Variants in NCKAP5 observed in about 807,000 individuals in gnomAD.
The protein encoded by NCKAP5 is nck-associated protein 5.
NCKAP5 carries 92 observed loss-of-function variants against 167.0 expected under a neutral mutation model. The ratio of observed to expected loss-of-function variants is 0.55; its 90% CI spans 0.47 to 0.66. The LOEUF is 0.66. Ranked by LOEUF, NCKAP5 falls within the 30% of genes least tolerant of loss-of-function variation. NCKAP5 has a pLI of 0.00. For synonymous variants in NCKAP5, 891 were observed against 877.4 expected, an observed-to-expected ratio of 1.02 and a Z score of -0.27; for missense variants, 2,378 against 2,315.0, an observed-to-expected ratio of 1.03 and a Z score of -0.56.
At chr2:133,647,468 CAAGGGAAGGAAAGGA>C in the NCKAP5 span, among the ~76,000 whole-genome samples, 1 of 52,980 alleles carries the variant, frequency 1.9e-5, no homozygotes, top group African/African-American at 9.3e-5. Flanking sequence ...AAAGAAAGGG[CAAGGGAAGGAAAGGA>C]AAGGAAAGGA....
intron 7 of NCKAP5, among the ~76,000 whole-genome samples, chr2:132,976,870 C>G (rs1478396744): frequency 6.6e-6 from 1 of 151,922 alleles, no homozygotes; most frequent in Non-Finnish European, 1.5e-5. Context: ...AAAACACGGT[C>G]AATATCATAT....
intron 8 of NCKAP5, among the ~76,000 whole-genome samples, chr2:132,939,845 C>CA (rs1160950924): frequency 2.0e-5 from 3 of 152,012 alleles, no homozygotes; most frequent in Non-Finnish European, 4.4e-5. Flanking sequence ...ACTAAAAATA[C>CA]AAAAATTAGC....
intron 19 of NCKAP5, among the ~76,000 whole-genome samples, chr2:132,707,736 G>A (rs990811951): frequency 6.6e-6 from 1 of 152,188 alleles, no homozygotes; most frequent in African/African-American, 2.4e-5. Flanking sequence ...GAACATGAGG[G>A]TGAGCCCAGA....
intron 5 of NCKAP5, among the ~76,000 whole-genome samples, chr2:133,190,075 G>T (rs900304231): frequency 3.3e-5 from 5 of 152,156 alleles, no homozygotes; most frequent in African/African-American, 1.2e-4. Flanking sequence ...CTTCAGCAAA[G>T]TCTCAGGATA....
At chr2:133,115,773 GTGTA>G (rs1202625086) in intron 6 of NCKAP5, among the ~76,000 whole-genome samples, 107 of 56,136 alleles carry the variant, frequency 1.9e-3, no homozygotes, top group Admixed American at 5.8e-3. Flanking sequence ...ATATGTGTGT[GTGTA>G]TATATATATA....
chr2:133,407,621 C>T (rs1380391546), intron 3 of NCKAP5, among the ~76,000 whole-genome samples: 2 of 152,204 alleles, frequency 1.3e-5, no homozygotes, highest in African/African-American at 4.8e-5. Context: ...GAGCATCCCT[C>T]AGGCTCCCAA....
chr2:133,272,663 A>G (rs2089565564), intron 4 of NCKAP5, among the ~76,000 whole-genome samples: 1 of 152,150 alleles, frequency 6.6e-6, no homozygotes, highest in African/African-American at 2.4e-5. Context: ...AACCATCACC[A>G]TCCCCTTAGA....
At chr2:133,556,675 T>C (rs190621111) in intron 2 of NCKAP5, 23 of 152,360 alleles carry the variant, frequency 1.5e-4, no homozygotes, top group Admixed American at 1.2e-3. Context: ...CTTTCTTTTT[T>C]ATTTCAATGA....
chr2:133,164,755 G>T (rs1279510944), intron 5 of NCKAP5, among the ~76,000 whole-genome samples: 4 of 152,144 alleles, frequency 2.6e-5, no homozygotes, highest in Non-Finnish European at 5.9e-5. Flanking sequence ...GGGAATCTCT[G>T]CTTTCCATGG....
intron 8 of NCKAP5, among the ~76,000 whole-genome samples, chr2:132,899,153 C>T (rs1310196269): frequency 1.3e-5 from 2 of 152,218 alleles, no homozygotes; most frequent in African/African-American, 4.8e-5. Flanking sequence ...AGCTTTACAT[C>T]TTTACATGAA....
intron 2 of NCKAP5, among the ~76,000 whole-genome samples, chr2:133,519,500 T>C (rs374530486): frequency 2.6e-5 from 4 of 152,128 alleles, no homozygotes; most frequent in Admixed American, 1.3e-4. Context: ...CCAGTCTCAG[T>C]GACTGTAAAC....
rs180842112 is a variant in NCKAP5 at position 132,962,827 on chromosome 2, G to A, written c.579+893C>T. Among the ~76,000 whole-genome samples, 687 of 152,162 alleles carry A rather than the reference G, an allele frequency of 4.5e-3. 4 individuals are homozygous for A. The highest frequency in any genetic ancestry group is 0.014 in the Middle Eastern group (4 of 294). On this transcript the variant is annotated intron_variant, in intron 8 of 19. Coordinates refer to ENST00000409261, the MANE Select transcript of NCKAP5 (RefSeq NM_207363.3). Reference sequence around the variant, plus strand: ...AGGATGGTCTCCATCTCCTGACCTCGTGATCCGCCTGCCTCGGCCTCCTAA... The same window carrying A: ...AGGATGGTCTCCATCTCCTGACCTCATGATCCGCCTGCCTCGGCCTCCTAA...
intron 3 of NCKAP5, among the ~76,000 whole-genome samples, chr2:133,500,705 C>A (rs1236958878): frequency 1.4e-4 from 21 of 152,276 alleles, no homozygotes; most frequent in African/African-American, 4.8e-4. Context: ...AAGCAAATAT[C>A]TCATTTTTAG....
At chr2:133,629,363 C>CA in the NCKAP5 span, among the ~76,000 whole-genome samples, 2 of 151,680 alleles carry the variant, frequency 1.3e-5, no homozygotes, top group African/African-American at 4.8e-5. Flanking sequence ...TTTATGCAGC[C>CA]AAAAAACATG....
rs924891373 is a variant in NCKAP5, at chr2:133,146,357, G to A, written c.208-16246C>T. 2.0e-5 allele frequency among the ~76,000 whole-genome samples: 3 copies of A among 151,682 alleles called. No homozygotes were observed. In the East Asian group the frequency reaches 5.8e-4, roughly 29 times the overall value. ...CTAGATAAAATGGGAGGAGGGAAGG[G>A]GTGGTATAACATGTAAACGATGACT... On this transcript the variant is annotated intron_variant, in intron 5 of 19. Coordinates refer to ENST00000409261, the MANE Select transcript of NCKAP5 (RefSeq NM_207363.3).
intron 3 of NCKAP5, among the ~76,000 whole-genome samples, chr2:133,330,240 T>C (rs998208411): frequency 1.7e-5 from 2 of 114,806 alleles, no homozygotes; most frequent in Non-Finnish European, 3.3e-5. Context: ...ACTTTATTTT[T>C]TGTATTTTTT....
rs188260473 is a variant in NCKAP5 at position 132,688,963 on chromosome 2, G to A, written c.5714-15658C>T. ...ATGGCACCACTGTACTCTAGCCTGC[G>A]TGGTGGAATGAGACACCAACTCAAA... On this transcript the variant is annotated intron_variant, in intron 19 of 19. Coordinates refer to ENST00000409261, the MANE Select transcript of NCKAP5 (RefSeq NM_207363.3). Among the ~76,000 whole-genome samples, 511 of 135,992 alleles carry A rather than the reference G, an allele frequency of 3.8e-3. 3 individuals carry two copies. The highest frequency in any genetic ancestry group is 7.1e-3 in the Admixed American group (91 of 12,734). 89.2% of individuals were successfully genotyped at this position (135,992 alleles called of 152,430 possible).
chr2:133,003,982 A>C (rs2077874892), intron 6 of NCKAP5, among the ~76,000 whole-genome samples: 2 of 152,204 alleles, frequency 1.3e-5, no homozygotes, highest in Non-Finnish European at 2.9e-5. Flanking sequence ...CACTCAGAGA[A>C]GTCCCGTTTT....
intron 5 of NCKAP5, among the ~76,000 whole-genome samples, chr2:133,146,731 C>T (rs944271707): frequency 6.6e-6 from 1 of 152,026 alleles, no homozygotes; most frequent in Non-Finnish European, 1.5e-5. Context: ...ACCCTATATT[C>T]CATCAGTAGG....
Sources: allele counts gnomAD v4.1 joint callset (sites outside exome capture counted in the v4.1 genomes callset), GRCh38; gene constraint gnomAD v4.1.1; transcripts MANE v1.5; gene names NCBI Gene and HGNC (gene_info 2026-07-23, HGNC 2026-07-21).